The following PCDHA1 variants were observed in gnomAD, a reference collection of about 807,000 sequenced individuals.
PCDHA1 encodes the protein protocadherin alpha 1.
In PCDHA1, 42 loss-of-function variants were observed where a neutral mutation model predicts 61.3. The observed-to-expected ratio is 0.69, with a 90% CI of 0.54 to 0.89. The LOEUF (loss-of-function observed/expected upper bound fraction) is 0.89, where lower values mean the gene tolerates loss of function less well. PCDHA1 is among the 40% of genes least tolerant of loss of function. PCDHA1 has a pLI of 0.00. For synonymous variants in PCDHA1, 610 were observed against 553.8 expected (o/e 1.10, Z -1.43); for missense variants, 1,256 against 1,235.3 (o/e 1.02, Z -0.25).
chr5:140,973,148 T>G (rs2096574239), intron 1 of PCDHA1, among the ~76,000 whole-genome samples: 1 of 152,210 alleles, frequency 6.6e-6, no homozygotes, highest in Non-Finnish European at 1.5e-5. Context: ...TTCACTTATT[T>G]TAAAGCAATT....
At position 141,009,759 on chromosome 5, in the gene PCDHA1, G is replaced by T. The variant is rs200822345; in HGVS notation, c.2675G>T (p.Gly892Val). The change falls in exon 4 of 4, where the codon GGA becomes GTA. Residue 892 changes from glycine to valine, a missense_variant. By Grantham distance (109) the Gly-to-Val change is moderately radical. Transcript: ENST00000504120. ...GELPDKFIIP[G>V]SPAIISIRQE... ...TTGCCCGACAAATTCATTATCCCAG[G>T]ATCTCCTGCAATCATCTCCATCCGG... The T allele has an allele frequency of 6.7e-5, 108 of 1,614,082 alleles. 1 individual carries two copies. The East Asian group carries it at 2.2e-3, about 33-fold the overall frequency.
In PCDHA1 at chr5:140,869,379, C is replaced by G. The variant is rs1554162987; in HGVS notation, c.2394+80695C>G. The G allele has an allele frequency of 1.9e-6, 3 of 1,614,122 alleles. No individual in the cohort carries two copies. The South Asian group carries it at 3.3e-5, about 18-fold the overall frequency. ...TGTTTGTGAATTCTCGGATCGACCG[C>G]GAGGAGCTGTGCGGGCAGAGCGCGG... On this transcript the variant is annotated intron_variant, in intron 1 of 3. Coordinates refer to ENST00000504120, the MANE Select transcript of PCDHA1 (RefSeq NM_018900.4).
chr5:140,834,326 A>T, intron 1 of PCDHA1: 1 of 1,449,926 alleles, frequency 6.9e-7, no homozygotes, highest in Non-Finnish European at 9.4e-7. Context: ...GGATAAAAAC[A>T]TTCCTATAAA....
intron 1 of PCDHA1, chr5:140,825,744 G>T (rs181658455): frequency 3.9e-5 from 6 of 152,526 alleles, no homozygotes; most frequent in African/African-American, 1.4e-4. Flanking sequence ...TTGATGAGGA[G>T]TAACTGTGAA....
At chr5:140,842,962 C>G (rs1554139576) in intron 1 of PCDHA1, 1 of 1,594,950 alleles carries the variant, frequency 6.3e-7, no homozygotes, top group African/African-American at 1.3e-5. Context: ...CTCTGGGCAG[C>G]AACGTGACGC....
chr5:140,829,682 CT>C, intron 1 of PCDHA1: 1 of 1,613,258 alleles, frequency 6.2e-7, no homozygotes, highest in South Asian at 1.1e-5. Flanking sequence ...GCTAGAGCTG[CT>C]GCAGTTTCAG....
At chr5:140,833,823 A>G (rs1772674429) in intron 1 of PCDHA1, among the ~76,000 whole-genome samples, 3 of 152,162 alleles carry the variant, frequency 2.0e-5, no homozygotes, top group Admixed American at 1.3e-4. Flanking sequence ...CTGGGTCCCT[A>G]AAAGAGTACA....
At chr5:140,883,630 G>T (rs1424400219) in intron 1 of PCDHA1, 8 of 1,613,966 alleles carry the variant, frequency 5.0e-6, no homozygotes, top group Non-Finnish European at 6.8e-6. Context: ...ACGCGCCGGC[G>T]TTCGCGCAGC....
chr5:140,822,334 G>A (rs2150115607), intron 1 of PCDHA1: 40,101 of 1,614,120 alleles, frequency 0.025, 600 homozygotes, highest in Non-Finnish European at 0.03. Flanking sequence ...AAATGAAGAA[G>A]AAACGAACTT....
At position 140,795,293 on chromosome 5, in the gene PCDHA1, T is replaced by C. The variant is rs1460117742; in HGVS notation, c.2394+6609T>C. 5.0e-6 allele frequency: 8 copies of C among 1,614,082 alleles called. No individual in the cohort carries two copies. In the Admixed American group the frequency reaches 6.7e-5, roughly 13 times the overall value. ...TGTAGCATCCACGTGGAGGTGATCG[T>C]GGACAGGCCGCTGCAGGTTTTCCAT... On this transcript the variant is annotated intron_variant, in intron 1 of 3. Transcript: ENST00000504120.
At chr5:140,877,260 G>C (rs1329010026) in intron 1 of PCDHA1, 3 of 1,613,652 alleles carry the variant, frequency 1.9e-6, no homozygotes, top group Non-Finnish European at 2.5e-6. Flanking sequence ...AAGTGCGCGC[G>C]GTGGACGCTG....
chr5:140,844,242 G>T (rs73280579), intron 1 of PCDHA1, among the ~76,000 whole-genome samples: 1 of 149,206 alleles, frequency 6.7e-6, no homozygotes. Flanking sequence ...CACTATTGCC[G>T]TTTTAAGCAG....
At chr5:140,849,851 A>C (rs148732691) in intron 1 of PCDHA1, 9 of 1,598,252 alleles carry the variant, frequency 5.6e-6, no homozygotes, top group East Asian at 4.5e-5. Context: ...ACGACAACGC[A>C]CCAGCGTTCG....
intron 1 of PCDHA1, chr5:140,828,513 T>C (rs1769799760): frequency 1.2e-6 from 2 of 1,614,200 alleles, no homozygotes; most frequent in Non-Finnish European, 1.7e-6. Flanking sequence ...CAAAGAGTGC[T>C]GATTTACGAA....
At chr5:140,832,646 A>T (rs141278447) in intron 1 of PCDHA1, among the ~76,000 whole-genome samples, 20 of 152,312 alleles carry the variant, frequency 1.3e-4, no homozygotes, top group African/African-American at 4.3e-4. Context: ...GAGGGTCTTT[A>T]AGAGTATCAC....
chr5:140,809,291 A>C, intron 1 of PCDHA1: 4 of 1,614,054 alleles, frequency 2.5e-6, no homozygotes, highest in Non-Finnish European at 3.4e-6. Flanking sequence ...ATACCTGATC[A>C]TTGCCATCTG....
At chr5:140,873,002 T>G (rs1454301001) in intron 1 of PCDHA1, among the ~76,000 whole-genome samples, 1 of 152,218 alleles carries the variant, frequency 6.6e-6, no homozygotes, top group East Asian at 1.9e-4. Flanking sequence ...TTCTGAGTCA[T>G]TCTTCATATT....
chr5:140,974,534 G>A (rs929112962), intron 1 of PCDHA1, among the ~76,000 whole-genome samples: 4 of 151,974 alleles, frequency 2.6e-5, no homozygotes, highest in Admixed American at 1.3e-4. Flanking sequence ...TTTTTGAGAC[G>A]GAGTTTTGCT....
At chr5:140,882,343 G>T (rs1554173636) in intron 1 of PCDHA1, 1 of 1,614,198 alleles carries the variant, frequency 6.2e-7, no homozygotes, top group Admixed American at 1.7e-5. Context: ...CAGCCTGGGA[G>T]ACGGGTAGTG....
Sources: gnomAD v4.1 joint callset for allele counts (sites outside exome capture counted in the v4.1 genomes callset) on GRCh38, gnomAD v4.1.1 for gene constraint, MANE v1.5 for transcripts, NCBI Gene and HGNC (gene_info 2026-07-23, HGNC 2026-07-21) for gene names.